Variants in THRA observed in about 807,000 individuals in gnomAD.
The protein encoded by THRA is thyroid hormone receptor alpha.
In THRA, 13 loss-of-function variants were observed where a neutral mutation model predicts 45.0. The ratio of observed to expected loss-of-function variants is 0.29; its 90% CI spans 0.19 to 0.46. The LOEUF (loss-of-function observed/expected upper bound fraction) is 0.46. THRA is among the 20% of genes least tolerant of loss of function. The pLI is 1.00. For synonymous variants in THRA, 195 were observed against 214.0 expected (o/e 0.91, Z 0.78); for missense variants, 278 against 556.1 (o/e 0.50, Z 5.03).
intron 1 of THRA, among the ~76,000 whole-genome samples, chr17:40,070,163 C>T (rs1986723764): frequency 6.6e-6 from 1 of 152,048 alleles, no homozygotes; most frequent in Non-Finnish European, 1.5e-5. Context: ...GAACCTGTCT[C>T]CTGGGGGCCC....
chr17:40,073,696 C>G (rs191571186), intron 1 of THRA, among the ~76,000 whole-genome samples: 148 of 152,270 alleles, frequency 9.7e-4, no homozygotes, highest in Middle Eastern at 3.4e-3. Flanking sequence ...TTCAACATCT[C>G]TCTCTATTAA....
chr17:40,062,717 G>C (rs1351224392), upstream of THRA: 1 of 150,036 alleles, frequency 6.7e-6, no homozygotes, highest in Non-Finnish European at 1.5e-5. Context: ...GCGAGTCCGA[G>C]CGGGGCGGGG....
At chr17:40,083,603 C>A (rs1987221975) in intron 4 of THRA, among the ~76,000 whole-genome samples, 1 of 152,242 alleles carries the variant, frequency 6.6e-6, no homozygotes, top group East Asian at 1.9e-4. Context: ...GCCTCTGCCA[C>A]AAACACTACC....
intron 4 of THRA, among the ~76,000 whole-genome samples, chr17:40,078,637 A>G (rs572858080): frequency 6.6e-6 from 1 of 152,122 alleles, no homozygotes; most frequent in African/African-American, 2.4e-5. Flanking sequence ...AGAGAGAGAG[A>G]CACAACTTGA....
chr17:40,072,860 A>G (rs887150854), intron 1 of THRA, among the ~76,000 whole-genome samples: 3 of 152,104 alleles, frequency 2.0e-5, no homozygotes, highest in Middle Eastern at 6.8e-3. Flanking sequence ...TACTTTCTTG[A>G]TGGCTCCCTG....
chr17:40,088,109 C>G lies in THRA; in HGVS notation c.724-133C>G, dbSNP rs568677562. On this transcript the variant is annotated intron_variant, in intron 7 of 8. Transcript: ENST00000450525. ...AAATGGAATAGGGCATGCACATGGC[C>G]CAATACAAGGTCAGCCGTTCAGAGT... 5.6e-4 allele frequency: 701 copies of G among 1,252,722 alleles called. 1 individual carries two copies. Among genetic ancestry groups the G allele is most frequent in the South Asian group, 4.9e-3 (318 of 65,066 alleles). 77.6% of individuals were successfully genotyped at this position (1,252,722 alleles called of 1,614,324 possible). A position where few individuals can be genotyped will look rare whatever the true frequency, so the allele number is the denominator to read the frequency against.
chr17:40,083,840 C>T lies in THRA; in HGVS notation c.228C>T (p.Phe76=). The T allele has an allele frequency of 6.2e-7, 1 of 1,605,794 alleles. No homozygotes were observed. The highest frequency in any genetic ancestry group is 2.2e-5 in the East Asian group (1 of 44,718). Residue 76 remains phenylalanine (F), a synonymous_variant, in exon 5 of 9, where the codon TTC becomes TTT. Transcript: ENST00000450525. ...CTCCATCTCCCCCACCCCAGGGCTT[C>T]TTTCGCCGCACAATCCAGAAGAACC... ...RCITCEGCKG[F]FRRTIQKNLH...
intron 4 of THRA, 66 bp from the exon 5 acceptor site, chr17:40,083,769 G>T: frequency 2.0e-6 from 3 of 1,524,704 alleles, no homozygotes; most frequent in Non-Finnish European, 1.8e-6. Context: ...CTAGTAAACT[G>T]CATGGTTGGT....
At chr17:40,085,690 C>G (rs965850472) in intron 6 of THRA, among the ~76,000 whole-genome samples, 1 of 150,568 alleles carries the variant, frequency 6.6e-6, no homozygotes, top group Non-Finnish European at 1.5e-5. Flanking sequence ...GTTGTCCAGG[C>G]TGGAGTGCAG....
At chr17:40,066,663 C>CAAAAAAAAAAAAAAA (rs553082902) in intron 1 of THRA, among the ~76,000 whole-genome samples, 1 of 49,544 alleles carries the variant, frequency 2.0e-5, no homozygotes, top group Non-Finnish European at 4.7e-5. Flanking sequence ...GACTCCGTCT[C>CAAAAAAAAAAAAAAA]AAAAAAAAAA....
chr17:40,063,639 C>A (rs1029726014), intron 1 of THRA, among the ~76,000 whole-genome samples: 12 of 152,214 alleles, frequency 7.9e-5, no homozygotes, highest in African/African-American at 2.7e-4. Context: ...TTGAGCATGG[C>A]TGTCTGGTTG....
intron 1 of THRA, among the ~76,000 whole-genome samples, chr17:40,065,392 G>A (rs1986517703): frequency 6.6e-6 from 1 of 152,120 alleles, no homozygotes. Context: ...CCATCGGCTG[G>A]CGAGTGTCTG....
Position 40,074,412 on chromosome 17 carries a change from G to T in THRA, c.-77G>T. The T allele has an allele frequency of 6.5e-7, 1 of 1,545,310 alleles. No homozygotes were observed. Among genetic ancestry groups the T allele is most frequent in the South Asian group, 1.1e-5 (1 of 88,694 alleles). ...GGGTGGCAGGGGGTGGGTGGCCTGTGGGTGTGCCGGGGGGGCCAGTGTGCC... is the reference window on the plus strand; with the variant it reads ...GGGTGGCAGGGGGTGGGTGGCCTGTTGGTGTGCCGGGGGGGCCAGTGTGCC... On this transcript the variant is annotated 5_prime_UTR_variant, in exon 2 of 9. Transcript: ENST00000450525.
intron 2 of THRA, among the ~76,000 whole-genome samples, chr17:40,075,428 T>C (rs1986917908): frequency 2.0e-5 from 3 of 151,636 alleles, no homozygotes; most frequent in South Asian, 2.1e-4. Context: ...CCCTGGAGGG[T>C]AGAGGAAGTA....
intron 4 of THRA, among the ~76,000 whole-genome samples, chr17:40,079,351 A>G (rs1323931305): frequency 2.6e-5 from 4 of 151,956 alleles, no homozygotes; most frequent in African/African-American, 4.8e-5. Context: ...GGTTCAAGCA[A>G]TTCTCCCTGC....
chr17:40,079,168 G>C (rs879794796), intron 4 of THRA, among the ~76,000 whole-genome samples: 1 of 152,180 alleles, frequency 6.6e-6, no homozygotes, highest in South Asian at 2.1e-4. Flanking sequence ...TGGGAGCTGG[G>C]AGCACAGAGG....
intron 4 of THRA, 120 bp downstream of exon 4, chr17:40,077,728 ACTCTTGTCCCC>A (rs1344767202): frequency 2.7e-6 from 2 of 752,744 alleles, no homozygotes; most frequent in East Asian, 5.3e-5. Context: ...ACGGAGTCTC[ACTCTTGTCCCC>A]CAGGCTGGAG....
Position 40,092,852 on chromosome 17 carries a change from G to A in THRA, c.*3396G>A, listed in dbSNP as rs551768610. On this transcript the variant is annotated 3_prime_UTR_variant, in exon 9 of 9. Coordinates refer to ENST00000450525, the MANE Select transcript of THRA (RefSeq NM_199334.5). ...GAACAAATCAGAGGGCCAGGGGAGG[G>A]TTGTGGGGGAGACAGAGTGGTTTAA... is the stretch of plus-strand genomic sequence containing the variant. The A allele has an allele frequency of 2.1e-6, 2 of 963,342 alleles. No individual in the cohort carries two copies. Among genetic ancestry groups the A allele is most frequent in the African/African-American group, 3.3e-5 (2 of 60,372 alleles). 59.7% of individuals were successfully genotyped at this position (963,342 alleles called of 1,614,324 possible).
chr17:40,086,887 G>C, intron 7 of THRA, 34 bp downstream of exon 7: 1 of 1,611,220 alleles, frequency 6.2e-7, no homozygotes. Flanking sequence ...ATGTGATGCT[G>C]TGCTGGAGGG....
Sources: allele counts gnomAD v4.1 joint callset (sites outside exome capture counted in the v4.1 genomes callset), GRCh38; gene constraint gnomAD v4.1.1; transcripts MANE v1.5; gene names NCBI Gene and HGNC (gene_info 2026-07-23, HGNC 2026-07-21).